The following SEZ6L variants were observed in gnomAD, a reference collection of about 807,000 sequenced individuals.
SEZ6L encodes the protein seizure 6-like protein.
In SEZ6L, 37 loss-of-function variants were observed where a neutral mutation model predicts 106.2. The ratio of observed to expected loss-of-function variants is 0.35; its 90% CI spans 0.27 to 0.46. SEZ6L has a LOEUF of 0.46. Among genes scored for constraint, SEZ6L ranks in the 20% least tolerant of loss-of-function variants. SEZ6L has a pLI of 1.00. For synonymous variants in SEZ6L, 541 were observed against 570.4 expected (o/e 0.95, Z 0.73); for missense variants, 1,172 against 1,332.8 (o/e 0.88, Z 1.88).
At chr22:26,280,362 C>T (rs1379086204) in intron 1 of SEZ6L, among the ~76,000 whole-genome samples, 8 of 152,128 alleles carry the variant, frequency 5.3e-5, no homozygotes, top group Non-Finnish European at 7.3e-5. Flanking sequence ...ACTTCCAATG[C>T]CCCACCTCCC....
chr22:26,212,726 A>G (rs1267516415), intron 1 of SEZ6L, among the ~76,000 whole-genome samples: 1 of 152,208 alleles, frequency 6.6e-6, no homozygotes, highest in Non-Finnish European at 1.5e-5. Flanking sequence ...CCTGGCCAAG[A>G]TAAGGGCCTT....
intron 12 of SEZ6L, among the ~76,000 whole-genome samples, chr22:26,358,907 A>G (rs187627166): frequency 4.3e-4 from 66 of 152,322 alleles, no homozygotes; most frequent in Admixed American, 1.5e-3. Context: ...CCCACCACAA[A>G]GAATTATCCA....
At chr22:26,370,822 A>C (rs1202117925) in intron 13 of SEZ6L, among the ~76,000 whole-genome samples, 1 of 152,106 alleles carries the variant, frequency 6.6e-6, no homozygotes, top group East Asian at 1.9e-4. Flanking sequence ...TAGGCAAAAT[A>C]GTGGGACCTC....
At chr22:26,233,458 G>A (rs2078862578) in intron 1 of SEZ6L, among the ~76,000 whole-genome samples, 3 of 152,236 alleles carry the variant, frequency 2.0e-5, no homozygotes, top group South Asian at 4.1e-4. Flanking sequence ...GAGGAGGGCT[G>A]TGCTGTATTC....
In SEZ6L at chr22:26,381,298, C is replaced by T. The variant is rs1052834235; in HGVS notation, c.*1003C>T. 6.6e-6 allele frequency: 1 copy of T among 152,186 alleles called. No homozygotes were observed. Among genetic ancestry groups the T allele is most frequent in the South Asian group, 2.1e-4 (1 of 4,830 alleles). The allele number at this position is 152,186 out of a possible 1,614,324, so 9.4% of individuals were successfully genotyped here. On this transcript the variant is annotated 3_prime_UTR_variant, in exon 17 of 17. Transcript: ENST00000248933. ...GGTTTCTCCTGGGGTTCTGGAATATCTCAGCCCTCAAAATAGAGGAGACTC... is the reference window on the plus strand; with the variant it reads ...GGTTTCTCCTGGGGTTCTGGAATATTTCAGCCCTCAAAATAGAGGAGACTC...
At chr22:26,201,298 A>C (rs917839825) in intron 1 of SEZ6L, among the ~76,000 whole-genome samples, 1 of 149,950 alleles carries the variant, frequency 6.7e-6, no homozygotes, top group Admixed American at 6.8e-5. Flanking sequence ...AGGCTGGTGG[A>C]TCATTTGAGG....
intron 11 of SEZ6L, 26 bp from the exon 12 acceptor site, chr22:26,351,026 T>A (rs1439919682): frequency 1.3e-6 from 2 of 1,596,406 alleles, no homozygotes; most frequent in Admixed American, 3.4e-5. Flanking sequence ...TCTGACGTCC[T>A]CTTGGTCTGG....
At chr22:26,321,107 C>CCATGATATTTAA (rs2082140931) in intron 9 of SEZ6L, among the ~76,000 whole-genome samples, 2 of 152,334 alleles carry the variant, frequency 1.3e-5, no homozygotes, top group Non-Finnish European at 2.9e-5. Context: ...TCTTAATTGT[C>CCATGATATTTAA]CATGATATTT....
chr22:26,292,034 A>T (rs893376732), intron 1 of SEZ6L, among the ~76,000 whole-genome samples: 51 of 47,328 alleles, frequency 1.1e-3, no homozygotes, highest in East Asian at 6.1e-3. Flanking sequence ...GAAGGAAGGA[A>T]GGATGGATGG....
At chr22:26,258,038 G>A (rs1040780421) in intron 1 of SEZ6L, among the ~76,000 whole-genome samples, 2 of 152,080 alleles carry the variant, frequency 1.3e-5, no homozygotes, top group Non-Finnish European at 1.5e-5. Context: ...AGATGGCCAC[G>A]AGAGGACTTC....
At chr22:26,208,796 A>G (rs1941427398) in intron 1 of SEZ6L, among the ~76,000 whole-genome samples, 1 of 150,438 alleles carries the variant, frequency 6.6e-6, no homozygotes, top group Non-Finnish European at 1.5e-5. Flanking sequence ...ACTATTATAT[A>G]TTTAAACATG....
chr22:26,358,207 C>T (rs776857849), intron 12 of SEZ6L, among the ~76,000 whole-genome samples: 2 of 152,184 alleles, frequency 1.3e-5, no homozygotes, highest in Non-Finnish European at 2.9e-5. Context: ...TCCATGATAA[C>T]CCTAGGGGAT....
At chr22:26,248,090 G>A (rs1471479785) in intron 1 of SEZ6L, among the ~76,000 whole-genome samples, 1 of 152,174 alleles carries the variant, frequency 6.6e-6, no homozygotes, top group African/African-American at 2.4e-5. Context: ...TTGCAGGGCA[G>A]GGACAAGGAA....
At chr22:26,178,596 A>G (rs1939177258) in intron 1 of SEZ6L, among the ~76,000 whole-genome samples, 1 of 152,218 alleles carries the variant, frequency 6.6e-6, no homozygotes, top group South Asian at 2.1e-4. Context: ...CTTAGTGGGT[A>G]TAAGCCTCTG....
At chr22:26,338,815 C>T (rs531827346) in intron 9 of SEZ6L, among the ~76,000 whole-genome samples, 6 of 141,674 alleles carry the variant, frequency 4.2e-5, no homozygotes, top group Non-Finnish European at 8.1e-5. Context: ...CTCGGCCTCC[C>T]AAAGTGCTGG....
chr22:26,248,838 A>G (rs1431814536), intron 1 of SEZ6L, among the ~76,000 whole-genome samples: 1 of 152,234 alleles, frequency 6.6e-6, no homozygotes, highest in Non-Finnish European at 1.5e-5. Context: ...TCCTGCTGCA[A>G]AGCTGGTACA....
At chr22:26,287,580 T>C (rs192849606) in intron 1 of SEZ6L, among the ~76,000 whole-genome samples, 4 of 152,260 alleles carry the variant, frequency 2.6e-5, no homozygotes, top group Non-Finnish European at 1.5e-5. Flanking sequence ...AGTTGCTGGA[T>C]AAGCAGTTTT....
At chr22:26,346,593 T>C (rs1487954036) in intron 10 of SEZ6L, among the ~76,000 whole-genome samples, 1 of 152,140 alleles carries the variant, frequency 6.6e-6, no homozygotes, top group Non-Finnish European at 1.5e-5. Flanking sequence ...GAGGCTCTGG[T>C]CAGGATGCCA....
At chr22:26,353,684 A>G (rs1338813118) in intron 12 of SEZ6L, among the ~76,000 whole-genome samples, 1 of 152,216 alleles carries the variant, frequency 6.6e-6, no homozygotes, top group African/African-American at 2.4e-5. Flanking sequence ...CGTCTTCGCC[A>G]TCCTAACCCA....
Sources: allele counts gnomAD v4.1 joint callset (sites outside exome capture counted in the v4.1 genomes callset), GRCh38; gene constraint gnomAD v4.1.1; transcripts MANE v1.5; gene names NCBI Gene and HGNC (gene_info 2026-07-23, HGNC 2026-07-21).